BMP4: variants seen among roughly 807,000 people sequenced by gnomAD.
BMP4 encodes the protein bone morphogenetic protein 4.
BMP4 carries 3 observed loss-of-function variants against 29.6 expected under a neutral mutation model. That is an observed-to-expected ratio of 0.10 (90% CI 0.05 to 0.26). BMP4 has a LOEUF of 0.26. Ranked by LOEUF, BMP4 falls within the 10% of genes least tolerant of loss-of-function variation. The probability of loss-of-function intolerance (pLI) is 1.00; values close to 1 mark genes in which losing one functional copy is unlikely to be tolerated. For synonymous variants in BMP4, 197 were observed against 213.2 expected, an observed-to-expected ratio of 0.92 and a Z score of 0.66; for missense variants, 455 against 550.2, an observed-to-expected ratio of 0.83 and a Z score of 1.73.
intron 1 of BMP4, 97 bp downstream of exon 1, chr14:53,956,453 C>T (rs1895722075): frequency 5.0e-6 from 2 of 398,684 alleles, no homozygotes; most frequent in Admixed American, 8.8e-5. Context: ...ATTAGGCCAC[C>T]TTTTGCCTCG....
rs1271385227 is a variant in BMP4, at chr14:53,950,900, T to C, written c.371-12A>G. 1.2e-6 allele frequency: 2 copies of C among 1,600,348 alleles called. No homozygotes were observed. The highest frequency in any genetic ancestry group is 2.2e-5 in the East Asian group (1 of 44,858). On this transcript the variant is annotated splice_polypyrimidine_tract_variant and intron_variant, in intron 3 of 3. Transcript: ENST00000245451. This position sits in a 1 kb window ranked among gnomAD's most constrained non-coding sequence, Gnocchi z 5.4. The stretch of plus-strand genomic sequence containing the variant: ...GTTCTCCAGATGTTCTAGGCACAGT[T>C]AGGAAGGAAGGGGAAAAGAAAAAGC...
At chr14:53,953,823 G>A (rs1594796886) in intron 1 of BMP4, among the ~76,000 whole-genome samples, 1 of 152,022 alleles carries the variant, frequency 6.6e-6, no homozygotes. Flanking sequence ...CTTAAGTGGG[G>A]CCGGGAGCGA....
rs541934798 is a variant in BMP4 at position 53,955,045 on chromosome 14, G to T, written c.-133+1505C>A. ...TCAGGTCCGGGTGCGGAGGCCGCGGGCGCCCCTGCGCGACCGTCCGCGCCC... is the reference window on the plus strand; with the variant it reads ...TCAGGTCCGGGTGCGGAGGCCGCGGTCGCCCCTGCGCGACCGTCCGCGCCC... On this transcript the variant is annotated intron_variant, in intron 1 of 3. Transcript: ENST00000245451. The surrounding 1 kb of genome is among the most constrained non-coding windows in gnomAD (Gnocchi z 4.0). 6.6e-3 allele frequency among the ~76,000 whole-genome samples: 1,000 copies of T among 152,334 alleles called. 15 individuals are homozygous for T. Among genetic ancestry groups the T allele is most frequent in the African/African-American group, 0.023 (959 of 41,586 alleles).
chr14:53,951,620 G>T (rs1458454945), intron 3 of BMP4: 3 of 616,950 alleles, frequency 4.9e-6, no homozygotes, highest in African/African-American at 1.8e-5. Flanking sequence ...CACCGCTGGG[G>T]CTAGCCCACG....
chr14:53,951,239 A>G (rs1357319916), intron 3 of BMP4, among the ~76,000 whole-genome samples: 1 of 152,134 alleles, frequency 6.6e-6, no homozygotes. Context: ...TTTTCTTTAC[A>G]AGTGGTTGTA....
chr14:53,953,838 G>A (rs1182583211), intron 1 of BMP4, among the ~76,000 whole-genome samples: 2 of 151,880 alleles, frequency 1.3e-5, no homozygotes, highest in Non-Finnish European at 2.9e-5. Flanking sequence ...GAGCGAGGTC[G>A]GGAAAGTCTC....
In BMP4 at chr14:53,952,136, C is replaced by T. The variant is rs767626507; in HGVS notation, c.87G>A (p.Glu29=). 1 of 1,613,790 alleles carries T rather than the reference C, an allele frequency of 6.2e-7. No homozygotes were observed. Among genetic ancestry groups the T allele is most frequent in the African/African-American group, 1.3e-5 (1 of 74,918 alleles). ...GGASHASLIP[E]TGKKKVAEIQ... is the part of the protein sequence containing the mutation. ...TCTCGGCGACTTTTTTCTTCCCCGT[C>T]TCAGGTATCAAACTAGCATGGCTCG... The change falls in exon 3 of 4, where the codon GAG becomes GAA. Residue 29 remains glutamate (E), a synonymous_variant. Coordinates refer to ENST00000245451, the MANE Select transcript of BMP4 (RefSeq NM_001202.6).
rs897543876 is a variant in BMP4 at position 53,956,561 on chromosome 14, G to A, written c.-144C>T. 23 of 399,196 alleles carry A rather than the reference G, an allele frequency of 5.8e-5. No individual in the cohort carries two copies. The highest frequency in any genetic ancestry group is 8.0e-5 in the Non-Finnish European group (18 of 226,322). The allele number at this position is 399,196 out of a possible 1,614,324, so 24.7% of individuals were successfully genotyped here. A position where few individuals can be genotyped will look rare whatever the true frequency, so the allele number is the denominator to read the frequency against. ...GTAGCCTTGCTCACCATAGGTCCCT[G>A]CAGTAGCGGGCTCGCCAGCAGCAGC... is the stretch of plus-strand genomic sequence containing the variant. On this transcript the variant is annotated 5_prime_UTR_variant, in exon 1 of 4. It introduces an in-frame stop codon into an upstream open reading frame of the 5' UTR. Coordinates refer to ENST00000245451, the MANE Select transcript of BMP4 (RefSeq NM_001202.6).
rs1221555711 is a variant in BMP4, at chr14:53,953,394, A to G, written c.-126T>C. ...GCGTTGCTCGGGATGGCACTACGGA[A>G]TGGCTCCTAAAAGGAATATTTGAAT... On this transcript the variant is annotated 5_prime_UTR_variant, in exon 2 of 4. Transcript: ENST00000245451. 1 of 398,950 alleles carries G rather than the reference A, an allele frequency of 2.5e-6. No individual in the cohort carries two copies. The highest frequency in any genetic ancestry group is 3.6e-5 in the East Asian group (1 of 28,052). The allele number at this position is 398,950 out of a possible 1,614,324, so 24.7% of individuals were successfully genotyped here.
Position 53,951,890 on chromosome 14 carries a change from G to A in BMP4, c.333C>T (p.Ala111=), listed in dbSNP as rs1231496362. 1 of 1,600,716 alleles carries A rather than the reference G, an allele frequency of 6.2e-7. No individual in the cohort carries two copies. Among genetic ancestry groups the A allele is most frequent in the East Asian group, 2.2e-5 (1 of 44,860 alleles). ...AGCTCCTCACGGTGTTGGCCCGGCT[G>A]GCCGGGCGCTCAGGATACTCAAGAC... ...STGLEYPERP[A]SRANTVRSFH... is the part of the protein sequence containing the mutation. Residue 111 remains alanine (A), a synonymous_variant, in exon 3 of 4, where the codon GCC becomes GCT. Transcript: ENST00000245451.
In BMP4 at chr14:53,952,118, G is replaced by C. The variant is rs1394995031; in HGVS notation, c.105C>G (p.Val35=). 6.2e-7 allele frequency: 1 copy of C among 1,613,586 alleles called. No individual in the cohort carries two copies. The change falls in exon 3 of 4, where the codon GTC becomes GTG. Residue 35 remains valine (V), a synonymous_variant. Coordinates refer to ENST00000245451, the MANE Select transcript of BMP4 (RefSeq NM_001202.6). The part of the protein sequence containing the change: ...SLIPETGKKK[V]AEIQGHAGGR... ...CTCCCGCGTGGCCCTGAATCTCGGCGACTTTTTTCTTCCCCGTCTCAGGTA... is the reference window on the plus strand; with the variant it reads ...CTCCCGCGTGGCCCTGAATCTCGGCCACTTTTTTCTTCCCCGTCTCAGGTA...
rs1895272164 is a variant in BMP4, at chr14:53,949,825, A to G, written c.*207T>C. On this transcript the variant is annotated 3_prime_UTR_variant, in exon 4 of 4. Coordinates refer to ENST00000245451, the MANE Select transcript of BMP4 (RefSeq NM_001202.6). ...GTCAAAATATATGATCAATATGGTC[A>G]AAACATTTGCACGTAAAGTCATAAA... is the stretch of plus-strand genomic sequence containing the variant. 6 of 561,028 alleles carry G rather than the reference A, an allele frequency of 1.1e-5. No individual in the cohort carries two copies. Among genetic ancestry groups the G allele is most frequent in the Middle Eastern group, 4.7e-4 (1 of 2,110 alleles). 34.8% of individuals were successfully genotyped at this position (561,028 alleles called of 1,614,324 possible).
chr14:53,950,605 G>A lies in BMP4; in HGVS notation c.654C>T (p.Ser218=), dbSNP rs755640390. ...NVTRWETFDV[S]PAVLRWTREK... is the part of the protein sequence containing the mutation. ...CCCGGGTCCAGCGAAGGACCGCAGG[G>A]CTCACATCAAAAGTTTCCCACCGTG... is the stretch of plus-strand genomic sequence containing the variant. Residue 218 remains serine (S), a synonymous_variant, in exon 4 of 4, where the codon AGC becomes AGT. Coordinates refer to ENST00000245451, the MANE Select transcript of BMP4 (RefSeq NM_001202.6). The surrounding 1 kb of genome is among the most constrained non-coding windows in gnomAD (Gnocchi z 5.4). The A allele has an allele frequency of 1.2e-5, 19 of 1,614,120 alleles. No homozygotes were observed. Among genetic ancestry groups the A allele is most frequent in the South Asian group, 1.1e-5 (1 of 91,092 alleles).
In BMP4 at chr14:53,950,567, T is replaced by C; in HGVS notation, c.692A>G (p.Asn231Ser). Residue 231 changes from asparagine to serine, a missense_variant, in exon 4 of 4, where the codon AAC (asparagine) becomes AGC (serine). Asn to Ser is a conservative substitution (Grantham distance 46). Around this residue, in one of 4 missense-constraint regions of BMP4, gnomAD observed 154 missense variants for 156.8 expected, o/e 0.98. Transcript: ENST00000245451. The surrounding 1 kb of genome is among the most constrained non-coding windows in gnomAD (Gnocchi z 5.4). Reference sequence around the variant, plus strand: ...AGTCACCTCAATGGCTAGCCCATAGTTTGGCTGCTTCTCCCGGGTCCAGCG... The same window carrying C: ...AGTCACCTCAATGGCTAGCCCATAGCTTGGCTGCTTCTCCCGGGTCCAGCG... Reference protein sequence around the residue: ...VLRWTREKQPNYGLAIEVTHL... With the variant: ...VLRWTREKQPSYGLAIEVTHL... The C allele has an allele frequency of 6.2e-7, 1 of 1,614,198 alleles. No individual in the cohort carries two copies. Among genetic ancestry groups the C allele is most frequent in the Non-Finnish European group, 8.5e-7 (1 of 1,180,032 alleles).
chr14:53,953,603 G>A, intron 1 of BMP4: 1 of 351,600 alleles, frequency 2.8e-6, no homozygotes, highest in Non-Finnish European at 5.1e-6. Flanking sequence ...CGCCGCCCGA[G>A]CCTCAGCGGT....
chr14:53,956,249 A>C (rs926981791), intron 1 of BMP4, among the ~76,000 whole-genome samples: 1 of 151,972 alleles, frequency 6.6e-6, no homozygotes, highest in African/African-American at 2.4e-5. Context: ...CGTTCAGCCC[A>C]AGACCCCACA....
Position 53,950,158 on chromosome 14 carries a change from A to G in BMP4, c.1101T>C (p.Ser367=). The change falls in exon 4 of 4, where the codon AGT becomes AGC. Residue 367 remains serine, a synonymous_variant. Transcript: ENST00000245451. This position sits in a 1 kb window ranked among gnomAD's most constrained non-coding sequence, Gnocchi z 5.4. ...VQTLVNSVNS[S]IPKACCVPTE... ...TGGGCACACAACAGGCTTTGGGGAT[A>G]CTGGAATTGACAGAATTGACCAGGG... 6.2e-7 allele frequency: 1 copy of G among 1,614,198 alleles called. No homozygotes were observed. The highest frequency in any genetic ancestry group is 1.3e-5 in the African/African-American group (1 of 75,050).
intron 2 of BMP4, among the ~76,000 whole-genome samples, chr14:53,952,763 C>T (rs942366552): frequency 6.6e-6 from 1 of 152,178 alleles, no homozygotes; most frequent in African/African-American, 2.4e-5. Context: ...GCGACAGGGT[C>T]CAGAAGCCGA....
chr14:53,953,465 C>T (rs1207628244), intron 1 of BMP4, 65 bp from the exon 2 acceptor site: 1 of 398,152 alleles, frequency 2.5e-6, no homozygotes, highest in African/African-American at 2.1e-5. Context: ...CTTCCAGCCC[C>T]TCGGAGTCAC....
Sources: gnomAD v4.1 joint callset for allele counts (sites outside exome capture counted in the v4.1 genomes callset) on GRCh38, gnomAD v4.1.1 for gene constraint, gnomAD v4.1.1 regional missense constraint, Gnocchi (gnomAD v3.1) non-coding constraint, MANE v1.5 for transcripts, NCBI Gene and HGNC (gene_info 2026-07-23, HGNC 2026-07-21) for gene names.